The following UBE2Q1 variants were observed in gnomAD, a reference collection of about 807,000 sequenced individuals.
The protein encoded by UBE2Q1 is ubiquitin-conjugating enzyme E2 Q1.
In UBE2Q1, 6 loss-of-function variants were observed where a neutral mutation model predicts 60.1. The ratio of observed to expected loss-of-function variants is 0.10; its 90% CI spans 0.05 to 0.20. The LOEUF (loss-of-function observed/expected upper bound fraction) is 0.20, where lower values mean the gene tolerates loss of function less well. UBE2Q1 is among the 10% of genes least tolerant of loss of function. The pLI is 1.00. For synonymous variants in UBE2Q1, 226 were observed against 208.3 expected, an observed-to-expected ratio of 1.09 and a Z score of -0.73; for missense variants, 262 against 525.8, an observed-to-expected ratio of 0.50 and a Z score of 4.91.
rs1225610706 is a variant in UBE2Q1, at chr1:154,552,785, C to T, written c.765G>A (p.Arg255=). ...ATATATCCCTGAGCTCCTTCATCAG[C>T]CGGTCAGTGGCCTGCACCGAGCCAG... ...AVSGSVQATD[R]LMKELRDIYR... is the part of the protein sequence containing the mutation. The change falls in exon 6 of 13, where the codon CGG becomes CGA. Residue 255 remains arginine (R), a synonymous_variant. Coordinates refer to ENST00000292211, the MANE Select transcript of UBE2Q1 (RefSeq NM_017582.7). 1.2e-6 allele frequency: 2 copies of T among 1,614,202 alleles called. No homozygotes were observed. Among genetic ancestry groups the T allele is most frequent in the East Asian group, 2.2e-5 (1 of 44,890 alleles).
chr1:154,557,942 C>CA (rs1440505733), intron 1 of UBE2Q1, among the ~76,000 whole-genome samples: 2 of 151,768 alleles, frequency 1.3e-5, no homozygotes, highest in African/African-American at 2.4e-5. Flanking sequence ...GAGGAGTAGC[C>CA]AAAAAGAGCC....
chr1:154,552,882 C>A, intron 5 of UBE2Q1, 62 bp from the exon 6 acceptor site: 3 of 1,600,490 alleles, frequency 1.9e-6, no homozygotes, highest in South Asian at 1.1e-5. Flanking sequence ...CACGTTAGAC[C>A]TTAGGGGCAG....
At chr1:154,555,638 A>C (rs1230411514) in intron 2 of UBE2Q1, 106 bp from the exon 3 acceptor site, 2 of 1,136,856 alleles carry the variant, frequency 1.8e-6, no homozygotes, top group Non-Finnish European at 2.6e-6. Flanking sequence ...CTAGTTCTCT[A>C]AGCCTTATGG....
At chr1:154,550,815 G>A in intron 12 of UBE2Q1, 123 bp downstream of exon 12, 3 of 1,575,190 alleles carry the variant, frequency 1.9e-6, no homozygotes, top group African/African-American at 1.3e-5. Context: ...ACTGGGGCAG[G>A]TGCTGTGTTA....
intron 12 of UBE2Q1, 199 bp from the exon 13 acceptor site, chr1:154,550,668 T>A: frequency 1.0e-6 from 1 of 985,194 alleles, no homozygotes; most frequent in South Asian, 4.7e-5. Flanking sequence ...CAACCTGAGA[T>A]GATGGGAGAG....
intron 1 of UBE2Q1, among the ~76,000 whole-genome samples, chr1:154,556,436 T>C (rs1362057834): frequency 6.6e-6 from 1 of 152,098 alleles, no homozygotes; most frequent in Non-Finnish European, 1.5e-5. Flanking sequence ...AGGGAAGAAG[T>C]ATAAAAACTA....
chr1:154,556,947 T>A (rs776955814), intron 1 of UBE2Q1, among the ~76,000 whole-genome samples: 5 of 152,190 alleles, frequency 3.3e-5, no homozygotes, highest in Non-Finnish European at 7.3e-5. Context: ...TTGCCATGAC[T>A]CTAATCCTCA....
intron 3 of UBE2Q1, 72 bp from the exon 4 acceptor site, chr1:154,554,857 C>G: frequency 6.5e-7 from 1 of 1,528,492 alleles, no homozygotes; most frequent in Non-Finnish European, 8.9e-7. Flanking sequence ...CAACCTACTC[C>G]CCTGAGCCCC....
intron 1 of UBE2Q1, 101 bp downstream of exon 1, chr1:154,558,126 G>T (rs1028823306): frequency 2.1e-6 from 2 of 964,718 alleles, no homozygotes; most frequent in Non-Finnish European, 3.0e-6. Context: ...CCTGAGAGGG[G>T]CTTCGGCCTC....
chr1:154,552,587 A>G, intron 6 of UBE2Q1, 123 bp from the exon 7 acceptor site: 5 of 1,443,010 alleles, frequency 3.5e-6, no homozygotes, highest in Non-Finnish European at 4.8e-6. Context: ...ACAGATGGAC[A>G]TGCAACCAAG....
intron 3 of UBE2Q1, 21 bp downstream of exon 3, chr1:154,555,407 C>A (rs200486029): frequency 6.2e-7 from 1 of 1,609,430 alleles, no homozygotes; most frequent in Non-Finnish European, 8.5e-7. Flanking sequence ...CAACAGGGCC[C>A]GAGGCTCCTC....
intron 2 of UBE2Q1, 139 bp from the exon 3 acceptor site, chr1:154,555,671 T>C (rs1046208932): frequency 5.3e-6 from 5 of 949,824 alleles, no homozygotes; most frequent in Non-Finnish European, 6.5e-6. Flanking sequence ...TGGGAATGAG[T>C]CTCCTGATGG....
In UBE2Q1 at chr1:154,558,214, AG is replaced by A. The variant is rs1557846791; in HGVS notation, c.327+12del. ...AGGGGCCCCCACAGAGGCGCACGCG[AG>A]GGGGTCCTCACCGTGATGTTGCAGT... is the stretch of plus-strand genomic sequence containing the variant. On this transcript the variant is annotated intron_variant, in intron 1 of 12. Transcript: ENST00000292211. 1 of 1,513,590 alleles carries A rather than the reference AG, an allele frequency of 6.6e-7. No individual in the cohort carries two copies. The highest frequency in any genetic ancestry group is 8.8e-7 in the Non-Finnish European group (1 of 1,131,510). The allele number at this position is 1,513,590 out of a possible 1,614,324, so 93.8% of individuals were successfully genotyped here.
chr1:154,551,689 C>A, intron 10 of UBE2Q1, 82 bp downstream of exon 10: 2 of 1,583,798 alleles, frequency 1.3e-6, no homozygotes, highest in Non-Finnish European at 1.7e-6. Context: ...ATGTCTATCA[C>A]CCAGCCCGTA....
chr1:154,549,044 T>G lies in UBE2Q1; in HGVS notation c.*1394A>C, dbSNP rs956424209. The G allele has an allele frequency of 3.9e-5, 6 of 152,304 alleles. No homozygotes were observed. The highest frequency in any genetic ancestry group is 7.3e-5 in the Non-Finnish European group (5 of 68,032). The allele number at this position is 152,304 out of a possible 1,614,324, so 9.4% of individuals were successfully genotyped here. A position where few individuals can be genotyped will look rare whatever the true frequency, so the allele number is the denominator to read the frequency against. ...AAGTCTGGGTTTTCTGAGACTTGGGTCTTCACTTGGCCATCTTTGGCCTCT... is the reference window on the plus strand; with the variant it reads ...AAGTCTGGGTTTTCTGAGACTTGGGGCTTCACTTGGCCATCTTTGGCCTCT... On this transcript the variant is annotated 3_prime_UTR_variant, in exon 13 of 13. Transcript: ENST00000292211.
intron 2 of UBE2Q1, 127 bp from the exon 3 acceptor site, chr1:154,555,659 T>C (rs949270512): frequency 9.1e-6 from 9 of 985,004 alleles, no homozygotes; most frequent in African/African-American, 4.8e-5. Context: ...GCCACGTGGC[T>C]GTGGGAATGA....
chr1:154,552,542 AC>A (rs1695809502), intron 6 of UBE2Q1, 78 bp from the exon 7 acceptor site: 1 of 1,556,448 alleles, frequency 6.4e-7, no homozygotes, highest in Non-Finnish European at 8.8e-7. Context: ...CCTTTCCCAG[AC>A]TGAGAGAAAA....
intron 6 of UBE2Q1, 135 bp downstream of exon 6, chr1:154,552,601 C>T: frequency 7.0e-7 from 1 of 1,420,932 alleles, no homozygotes; most frequent in South Asian, 1.3e-5. Flanking sequence ...AACCAAGCCA[C>T]TGGCTTGAGG....
rs1450870803 is a variant in UBE2Q1, at chr1:154,554,642, C to G, written c.588+93G>C. On this transcript the variant is annotated intron_variant, in intron 4 of 12. Coordinates refer to ENST00000292211, the MANE Select transcript of UBE2Q1 (RefSeq NM_017582.7). ...GTCTTTATTCCTTTGATATTTTTCT[C>G]TCTCCAGTTTTAGACTGGAGTTCTG... 8 of 1,285,320 alleles carry G rather than the reference C, an allele frequency of 6.2e-6. No individual in the cohort carries two copies. The South Asian group carries it at 9.2e-5, about 15-fold the overall frequency. 79.6% of individuals were successfully genotyped at this position (1,285,320 alleles called of 1,614,324 possible).
Sources: gnomAD v4.1 joint callset for allele counts (sites outside exome capture counted in the v4.1 genomes callset) on GRCh38, gnomAD v4.1.1 for gene constraint, MANE v1.5 for transcripts, NCBI Gene and HGNC (gene_info 2026-07-23, HGNC 2026-07-21) for gene names.